GRM1: variants seen among roughly 807,000 people sequenced by gnomAD.
GRM1 encodes the protein metabotropic glutamate receptor 1.
Under a neutral mutation model 90.9 loss-of-function variants are expected in GRM1, and 33 were observed. The ratio of observed to expected loss-of-function variants is 0.36; its 90% confidence interval spans 0.28 to 0.49. The LOEUF is 0.49. GRM1 is among the 20% of genes least tolerant of loss of function. GRM1 has a pLI of 0.99. For synonymous variants in GRM1, 700 were observed against 613.2 expected (o/e 1.14, Z -2.09); for missense variants, 1,190 against 1,534.3 (o/e 0.78, Z 3.75).
At chr6:146,320,522 A>G (rs1392950472) in intron 3 of GRM1, among the ~76,000 whole-genome samples, 2 of 151,942 alleles carry the variant, frequency 1.3e-5, no homozygotes, top group Non-Finnish European at 2.9e-5. Context: ...ATTGTTTGGA[A>G]TATTTTCAGA....
intron 3 of GRM1, among the ~76,000 whole-genome samples, chr6:146,351,763 C>G (rs1045555472): frequency 6.6e-6 from 1 of 150,878 alleles, no homozygotes; most frequent in Non-Finnish European, 1.5e-5. Flanking sequence ...TTTTGTGGCC[C>G]TAGAAATGAA....
At chr6:146,371,948 A>G (rs1006382060) in intron 5 of GRM1, among the ~76,000 whole-genome samples, 10 of 152,124 alleles carry the variant, frequency 6.6e-5, no homozygotes, top group Non-Finnish European at 1.5e-4. Context: ...TCTCTTCAAT[A>G]TACTGATTTC....
At chr6:146,354,350 G>C (rs1454663389) in intron 4 of GRM1, among the ~76,000 whole-genome samples, 2 of 151,990 alleles carry the variant, frequency 1.3e-5, no homozygotes, top group Admixed American at 1.3e-4. Context: ...GCTCAATAAG[G>C]GTCAGAATTA....
At chr6:146,180,613 T>C (rs1407709543) in intron 2 of GRM1, among the ~76,000 whole-genome samples, 1 of 152,216 alleles carries the variant, frequency 6.6e-6, no homozygotes, top group Admixed American at 6.5e-5. Context: ...CTTTGTCATA[T>C]AGGTTTTGCA....
chr6:146,352,193 T>TG, intron 3 of GRM1, 57 bp from the exon 4 acceptor site: 1 of 1,583,538 alleles, frequency 6.3e-7, no homozygotes, highest in South Asian at 1.1e-5. Context: ...GAATTAAACC[T>TG]GGGAGCCTAG....
chr6:146,139,945 C>T (rs1328745556), intron 1 of GRM1, among the ~76,000 whole-genome samples: 1 of 90,332 alleles, frequency 1.1e-5, no homozygotes, highest in African/African-American at 4.6e-5. Context: ...CCTTCCCCTG[C>T]CCTCCCCTCC....
At chr6:146,036,455 T>A (rs1790894731) in intron 1 of GRM1, among the ~76,000 whole-genome samples, 1 of 151,976 alleles carries the variant, frequency 6.6e-6, no homozygotes, top group African/African-American at 2.4e-5. Flanking sequence ...ATCATTAGAT[T>A]CTAAAATTAT....
intron 1 of GRM1, among the ~76,000 whole-genome samples, chr6:146,103,884 C>T (rs1035338414): frequency 1.5e-4 from 23 of 152,172 alleles, no homozygotes; most frequent in South Asian, 1.5e-3. Flanking sequence ...TTGCACAATG[C>T]GCTTAGGGAA....
At chr6:146,176,593 T>C (rs971464810) in intron 2 of GRM1, among the ~76,000 whole-genome samples, 5 of 152,110 alleles carry the variant, frequency 3.3e-5, no homozygotes, top group African/African-American at 1.2e-4. Context: ...CTCTGTCTCC[T>C]GTAGAATCAA....
intron 4 of GRM1, among the ~76,000 whole-genome samples, chr6:146,352,865 G>A (rs576798163): frequency 9.2e-5 from 14 of 152,138 alleles, no homozygotes; most frequent in African/African-American, 3.1e-4. Flanking sequence ...GCATCTTTCT[G>A]ATTGATTGAC....
chr6:146,432,369 T>G (rs954632898), intron 7 of GRM1, among the ~76,000 whole-genome samples: 11 of 152,352 alleles, frequency 7.2e-5, no homozygotes, highest in African/African-American at 2.6e-4. Flanking sequence ...CTGGCTCACT[T>G]TACTTTTCAA....
chr6:146,186,094 G>GT (rs1374631178), intron 2 of GRM1, among the ~76,000 whole-genome samples: 6 of 128,350 alleles, frequency 4.7e-5, no homozygotes, highest in African/African-American at 1.8e-4. Flanking sequence ...AATTACAGCT[G>GT]GTTTTTTTTT....
intron 2 of GRM1, among the ~76,000 whole-genome samples, chr6:146,247,750 CAAAAA>C (rs770414091): frequency 1.7e-5 from 1 of 57,352 alleles, no homozygotes; most frequent in African/African-American, 6.4e-5. Context: ...GACTCCATCT[CAAAAA>C]AAAAAAAAAA....
chr6:146,159,637 TCTCTCA>T lies in GRM1; in HGVS notation c.950+42_950+47del, dbSNP rs747861126. 1,321 of 1,258,074 alleles carry T rather than the reference TCTCTCA, an allele frequency of 1.1e-3. 1 individual carries two copies. The highest frequency in any genetic ancestry group is 2.5e-3 in the Middle Eastern group (9 of 3,634). The allele number at this position is 1,258,074 out of a possible 1,614,324, so 77.9% of individuals were successfully genotyped here. A position where few individuals can be genotyped will look rare whatever the true frequency, so the allele number is the denominator to read the frequency against. ...CTCTCTCTCTCTCTCTCTCTCTCTCTCTCTCACACACACACATGCACACACACACTT... is the reference window on the plus strand; with the variant it reads ...CTCTCTCTCTCTCTCTCTCTCTCTCTCACACACACATGCACACACACACTT... On this transcript the variant is annotated intron_variant, in intron 2 of 7. Coordinates refer to ENST00000282753, the MANE Select transcript of GRM1 (RefSeq NM_001278064.2).
At chr6:146,208,026 C>G (rs1294599819) in intron 2 of GRM1, among the ~76,000 whole-genome samples, 1 of 152,166 alleles carries the variant, frequency 6.6e-6, no homozygotes, top group Non-Finnish European at 1.5e-5. Flanking sequence ...ACACAACAAC[C>G]CTCAGGCTGC....
chr6:146,379,346 T>C (rs535197679), intron 5 of GRM1, among the ~76,000 whole-genome samples: 1 of 152,292 alleles, frequency 6.6e-6, no homozygotes, highest in East Asian at 1.9e-4. Context: ...CTCTGCTTGA[T>C]CCATTCTGCA....
intron 2 of GRM1, among the ~76,000 whole-genome samples, chr6:146,297,872 T>C (rs1215615992): frequency 6.6e-6 from 1 of 152,156 alleles, no homozygotes; most frequent in East Asian, 1.9e-4. Flanking sequence ...CCATGGTCTT[T>C]AGATGCTCAT....
chr6:146,413,577 A>C (rs1455368578), intron 7 of GRM1, among the ~76,000 whole-genome samples: 1 of 152,138 alleles, frequency 6.6e-6, no homozygotes, highest in Non-Finnish European at 1.5e-5. Flanking sequence ...ATGCTATTGA[A>C]GTATAATTAT....
chr6:146,399,653 T>C lies in GRM1; in HGVS notation c.2614T>C (p.Phe872Leu). 6.2e-7 allele frequency: 1 copy of C among 1,614,016 alleles called. No homozygotes were observed. Among genetic ancestry groups the C allele is most frequent in the Non-Finnish European group, 8.5e-7 (1 of 1,179,996 alleles). The change falls in exon 7 of 8, where the codon TTC becomes CTC. Residue 872 changes from phenylalanine (F) to leucine (L), a missense_variant. By Grantham distance (22) the Phe-to-Leu change is conservative. This residue lies in a region of GRM1 where 400 missense variants were observed against 360.8 expected (regional missense o/e 1.11). Transcript: ENST00000282753. The surrounding 1 kb of genome is among the most constrained non-coding windows in gnomAD (Gnocchi z 5.4). ...CAAGCTGCCCTGCCGCTCCAACACT[T>C]TCCTCAACATCTTCCGAAGAAAGAA... ...DGKLPCRSNTFLNIFRRKKAG... is the reference protein window; with the variant it reads ...DGKLPCRSNTLLNIFRRKKAG...
Sources: allele counts gnomAD v4.1 joint callset (sites outside exome capture counted in the v4.1 genomes callset), GRCh38; gene constraint gnomAD v4.1.1; regional missense constraint gnomAD v4.1.1; non-coding constraint Gnocchi (gnomAD v3.1); transcripts MANE v1.5; gene names NCBI Gene and HGNC (gene_info 2026-07-23, HGNC 2026-07-21).